Variants in TMEM50A observed in about 807,000 individuals in gnomAD.
TMEM50A encodes the protein transmembrane protein 50A, also known as cervical cancer oncogene 9.
Under a neutral mutation model 23.9 loss-of-function variants are expected in TMEM50A, and 8 were observed. The observed-to-expected ratio is 0.33, with a 90% CI of 0.20 to 0.60. TMEM50A has a LOEUF of 0.60. Among genes scored for constraint, TMEM50A ranks in the 20% least tolerant of loss-of-function variants. The pLI, the probability that TMEM50A is intolerant of heterozygous loss-of-function variation, is 0.81. For missense variants in TMEM50A, 178 were observed against 192.7 expected (o/e 0.92, Z 0.45); for synonymous variants, 55 against 60.4 (o/e 0.91, Z 0.41).
At chr1:25,354,756 TAA>T (rs1327926735) in intron 5 of TMEM50A, among the ~76,000 whole-genome samples, 1 of 152,202 alleles carries the variant, frequency 6.6e-6, no homozygotes, top group African/African-American at 2.4e-5. Context: ...CATGATATTA[TAA>T]GTTAGTTGTT....
At chr1:25,345,497 T>C (rs1297409203) in intron 3 of TMEM50A, among the ~76,000 whole-genome samples, 2 of 152,126 alleles carry the variant, frequency 1.3e-5, no homozygotes, top group Non-Finnish European at 2.9e-5. Flanking sequence ...GGAGAATCGC[T>C]TGAACCCAGG....
intron 5 of TMEM50A, 134 bp downstream of exon 5, chr1:25,353,108 C>T (rs1304839257): frequency 3.1e-6 from 2 of 640,148 alleles, no homozygotes; most frequent in Admixed American, 6.4e-5. Context: ...CCGGGACCCC[C>T]CACCCTCCAC....
intron 6 of TMEM50A, among the ~76,000 whole-genome samples, chr1:25,358,788 C>T (rs116613947): frequency 6.9e-4 from 105 of 152,342 alleles, no homozygotes; most frequent in Non-Finnish European, 1.2e-3. Flanking sequence ...GTTACAGCAT[C>T]TCTTTTAAGC....
intron 6 of TMEM50A, among the ~76,000 whole-genome samples, chr1:25,359,223 C>T (rs1008526904): frequency 1.3e-5 from 2 of 152,230 alleles, no homozygotes; most frequent in Non-Finnish European, 2.9e-5. Flanking sequence ...CCACCCTTGG[C>T]AATTGGCTTT....
chr1:25,352,752 T>C, intron 4 of TMEM50A, 130 bp from the exon 5 acceptor site: 1 of 727,506 alleles, frequency 1.4e-6, no homozygotes, highest in East Asian at 2.7e-5. Context: ...ACACATCCTT[T>C]ACTGTTCTCA....
chr1:25,358,183 G>A (rs1645356367), intron 6 of TMEM50A, among the ~76,000 whole-genome samples: 1 of 151,894 alleles, frequency 6.6e-6, no homozygotes, highest in African/African-American at 2.4e-5. Flanking sequence ...TCCTGACCTC[G>A]TGACCCACCC....
rs976989692 is a variant in TMEM50A at position 25,340,686 on chromosome 1, C to T, written c.93+107C>T. On this transcript the variant is annotated intron_variant, in intron 2 of 6. Transcript: ENST00000374358. ...TATGTACTATTTATTTTATCTTTGA[C>T]CACTTTGACCATGTTGATATTTTGT... The T allele has an allele frequency of 1.8e-5, 13 of 717,848 alleles. No homozygotes were observed. The African/African-American group carries it at 2.4e-4, about 13-fold the overall frequency. The allele number at this position is 717,848 out of a possible 1,614,324, so 44.5% of individuals were successfully genotyped here. A position where few individuals can be genotyped will look rare whatever the true frequency, so the allele number is the denominator to read the frequency against.
chr1:25,361,558 C>G lies in TMEM50A; in HGVS notation c.*853C>G, dbSNP rs1645404499. On this transcript the variant is annotated 3_prime_UTR_variant, in exon 7 of 7. Transcript: ENST00000374358. ...TAGCCTAATAGACCAGCACGGTCAA[C>G]TAGAATGACAAACATTAGCTACTGG... The G allele has an allele frequency of 6.6e-6, 1 of 152,310 alleles. No homozygotes were observed. Among genetic ancestry groups the G allele is most frequent in the Non-Finnish European group, 1.5e-5 (1 of 68,120 alleles). The allele number at this position is 152,310 out of a possible 1,614,324, so 9.4% of individuals were successfully genotyped here.
intron 3 of TMEM50A, among the ~76,000 whole-genome samples, chr1:25,350,391 C>A (rs1645263771): frequency 6.6e-6 from 1 of 151,952 alleles, no homozygotes; most frequent in Non-Finnish European, 1.5e-5. Context: ...GAATTTTGTT[C>A]CCGATTTTTT....
At position 25,350,576 on chromosome 1, in the gene TMEM50A, C is replaced by T. The variant is rs3093611; in HGVS notation, c.207-1050C>T. On this transcript the variant is annotated intron_variant, in intron 3 of 6. Transcript: ENST00000374358. The stretch of plus-strand genomic sequence containing the variant: ...GCTAATTTTGTATTTTTAGTAGAGA[C>T]GGGGTTTCTCTGTGTTGGTCAGGCT... Among the ~76,000 whole-genome samples the T allele has an allele frequency of 2.9e-3, 441 of 152,068 alleles. 1 individual carries two copies. The highest frequency in any genetic ancestry group is 0.01 in the African/African-American group (416 of 41,510).
At chr1:25,348,153 G>GT (rs1436426686) in intron 3 of TMEM50A, among the ~76,000 whole-genome samples, 1 of 152,092 alleles carries the variant, frequency 6.6e-6, no homozygotes, top group African/African-American at 2.4e-5. Context: ...CTTTATAAAT[G>GT]TTTATCATCT....
chr1:25,357,578 T>C (rs1001550018), intron 6 of TMEM50A, among the ~76,000 whole-genome samples: 5 of 147,084 alleles, frequency 3.4e-5, no homozygotes, highest in Admixed American at 3.4e-4. Context: ...GTGTGTGTGT[T>C]GTTTTGAGAC....
intron 5 of TMEM50A, 28 bp downstream of exon 5, chr1:25,353,002 C>T (rs1645288849): frequency 6.3e-7 from 1 of 1,578,910 alleles, no homozygotes. Flanking sequence ...TTACAATTTA[C>T]TTCAGTGGAA....
rs909862514 is a variant in TMEM50A, at chr1:25,361,956, A to T, written c.*1251A>T. On this transcript the variant is annotated 3_prime_UTR_variant, in exon 7 of 7. Transcript: ENST00000374358. Reference sequence around the variant, plus strand: ...TCACATAGGAGGGAACAGACCATGGAAATTTAAACGACTTCCTCACGGTCA... The same window carrying T: ...TCACATAGGAGGGAACAGACCATGGTAATTTAAACGACTTCCTCACGGTCA... 1 of 174,824 alleles carries T rather than the reference A, an allele frequency of 5.7e-6. No homozygotes were observed. Among genetic ancestry groups the T allele is most frequent in the Non-Finnish European group, 1.2e-5 (1 of 81,420 alleles). 10.8% of individuals were successfully genotyped at this position (174,824 alleles called of 1,614,324 possible).
At chr1:25,356,766 C>G (rs1390739564) in intron 5 of TMEM50A, 27 bp from the exon 6 acceptor site, 4 of 1,531,496 alleles carry the variant, frequency 2.6e-6, no homozygotes, top group Non-Finnish European at 3.5e-6. Flanking sequence ...GATCATAACC[C>G]TCTAAACACT....
intron 3 of TMEM50A, among the ~76,000 whole-genome samples, chr1:25,344,749 AAG>A (rs940625183): frequency 6.6e-6 from 1 of 151,566 alleles, no homozygotes; most frequent in Non-Finnish European, 1.5e-5. Context: ...TGTTGGTAGA[AAG>A]AATGTATATT....
intron 3 of TMEM50A, among the ~76,000 whole-genome samples, chr1:25,343,791 A>G (rs935935943): frequency 6.6e-6 from 1 of 152,166 alleles, no homozygotes; most frequent in South Asian, 2.1e-4. Flanking sequence ...GGGGATATAT[A>G]AGAGAGGTTC....
At chr1:25,358,352 A>C (rs1333846204) in intron 6 of TMEM50A, among the ~76,000 whole-genome samples, 1 of 152,220 alleles carries the variant, frequency 6.6e-6, no homozygotes, top group Non-Finnish European at 1.5e-5. Context: ...GGAAAGAGAT[A>C]GTCTGTGGCT....
intron 6 of TMEM50A, among the ~76,000 whole-genome samples, chr1:25,357,574 GTGTT>G (rs1055305121): frequency 1.3e-5 from 2 of 149,142 alleles, no homozygotes; most frequent in African/African-American, 5.0e-5. Flanking sequence ...GTGTGTGTGT[GTGTT>G]GTTTTGAGAC....
Sources: allele counts gnomAD v4.1 joint callset (sites outside exome capture counted in the v4.1 genomes callset), GRCh38; gene constraint gnomAD v4.1.1; transcripts MANE v1.5; gene names NCBI Gene and HGNC (gene_info 2026-07-23, HGNC 2026-07-21).